MARK2: variants seen among roughly 807,000 people sequenced by gnomAD.
MARK2 encodes serine/threonine-protein kinase MARK2.
MARK2 carries 16 observed loss-of-function variants against 89.8 expected under a neutral mutation model. The observed-to-expected ratio is 0.18, with a 90% CI of 0.12 to 0.27. The LOEUF (loss-of-function observed/expected upper bound fraction) is 0.27, where lower values mean the gene tolerates loss of function less well. MARK2 is among the 10% of genes least tolerant of loss of function. MARK2 has a pLI of 1.00. For missense variants in MARK2, 621 were observed against 1,049.9 expected (o/e 0.59, Z 5.65); for synonymous variants, 382 against 399.5 (o/e 0.96, Z 0.52).
intron 1 of MARK2, among the ~76,000 whole-genome samples, chr11:63,871,708 A>T (rs1321994359): frequency 0.016 from 529 of 34,028 alleles, no homozygotes; most frequent in Middle Eastern, 0.042. Flanking sequence ...GAGTATTCAC[A>T]GTGTGCAGGT....
chr11:63,896,368 A>G (rs1940403423), intron 3 of MARK2, among the ~76,000 whole-genome samples: 1 of 152,272 alleles, frequency 6.6e-6, no homozygotes, highest in Admixed American at 6.5e-5. Context: ...ATACAAGAAT[A>G]AGAGGAAGCA....
At chr11:63,892,776 G>A (rs906132270) in intron 1 of MARK2, among the ~76,000 whole-genome samples, 1 of 147,150 alleles carries the variant, frequency 6.8e-6, no homozygotes, top group African/African-American at 2.5e-5. Flanking sequence ...ACCCAGGCTG[G>A]AGTACAATGG....
At chr11:63,843,373 G>C (rs781185995) in intron 1 of MARK2, among the ~76,000 whole-genome samples, 1 of 152,126 alleles carries the variant, frequency 6.6e-6, no homozygotes, top group African/African-American at 2.4e-5. Context: ...CCCACCTCTG[G>C]GCCTCAGAAA....
chr11:63,864,969 G>C (rs12576275), intron 1 of MARK2, among the ~76,000 whole-genome samples: 73,272 of 151,936 alleles, frequency 0.48, 19,897 homozygotes, highest in East Asian at 0.88. Context: ...ACGCAGTCTC[G>C]GCCTTGACCT....
intron 3 of MARK2, 66 bp from the exon 4 acceptor site, chr11:63,898,166 G>T: frequency 7.3e-7 from 1 of 1,376,094 alleles, no homozygotes; most frequent in South Asian, 1.2e-5. Context: ...TCCTGGCAGG[G>T]ACTGTTTGGA....
In MARK2 at chr11:63,908,281, CA is replaced by C; in HGVS notation, c.1986del (p.Asp663ThrfsTer37). ...ARRNLNEPES[K>X]DRVETLRPHV... Reference sequence around the variant, plus strand: ...TGAGGAACCTGAATGAACCTGAAAGCAAAGACCGAGTGGAGACGCTCAGGTG... The same window carrying C: ...TGAGGAACCTGAATGAACCTGAAAGCAAGACCGAGTGGAGACGCTCAGGTG... On this transcript the variant is annotated frameshift_variant, in exon 18 of 19. Transcript: ENST00000402010. LOFTEE classifies it high-confidence loss of function. 6.4e-7 allele frequency: 1 copy of C among 1,566,304 alleles called. No homozygotes were observed. The highest frequency in any genetic ancestry group is 8.7e-7 in the Non-Finnish European group (1 of 1,154,706).
At position 63,901,692 on chromosome 11, in the gene MARK2, CTGTGTGTGTGTGTGTG is replaced by C. The variant is rs56308004; in HGVS notation, c.1102-490_1102-475del. On this transcript the variant is annotated intron_variant, in intron 11 of 18. Transcript: ENST00000402010. Reference sequence around the variant, plus strand: ...GTGCTTTATGTTTGGGTGTGTGTATCTGTGTGTGTGTGTGTGTGTGTGTGTGTGTGTATGTGTCCGT... The same window carrying C: ...GTGCTTTATGTTTGGGTGTGTGTATCTGTGTGTGTGTGTGTATGTGTCCGT... 2.2e-5 allele frequency among the ~76,000 whole-genome samples: 3 copies of C among 134,712 alleles called. No individual in the cohort carries two copies. The Admixed American group carries it at 2.3e-4, about 10-fold the overall frequency. The allele number at this position is 134,712 out of a possible 152,430, so 88.4% of individuals were successfully genotyped here. A position where few individuals can be genotyped will look rare whatever the true frequency, so the allele number is the denominator to read the frequency against.
In MARK2 at chr11:63,909,268, G is replaced by A. The variant is rs1375173985; in HGVS notation, c.*31G>A. The A allele has an allele frequency of 1.9e-6, 3 of 1,543,192 alleles. No individual in the cohort carries two copies. The highest frequency in any genetic ancestry group is 1.9e-5 in the Admixed American group (1 of 52,646). On this transcript the variant is annotated 3_prime_UTR_variant, in exon 19 of 19. Coordinates refer to ENST00000402010, the MANE Select transcript of MARK2 (RefSeq NM_001039469.3). ...TGCCAGGAGCGGGGGCGGCGGGGGC[G>A]GGCCAGCTGGACGGGCTGCCGGCCG...
At chr11:63,870,796 T>G (rs1278544027) in intron 1 of MARK2, among the ~76,000 whole-genome samples, 1 of 152,154 alleles carries the variant, frequency 6.6e-6, no homozygotes, top group Non-Finnish European at 1.5e-5. Context: ...GAGCTGAGGC[T>G]CACCACAAAG....
In MARK2 at chr11:63,903,221, G is replaced by A; in HGVS notation, c.1514+63G>A. 2 of 1,262,084 alleles carry A rather than the reference G, an allele frequency of 1.6e-6. No individual in the cohort carries two copies. Among genetic ancestry groups the A allele is most frequent in the African/African-American group, 1.5e-5 (1 of 68,374 alleles). The allele number at this position is 1,262,084 out of a possible 1,614,324, so 78.2% of individuals were successfully genotyped here. A position where few individuals can be genotyped will look rare whatever the true frequency, so the allele number is the denominator to read the frequency against. ...AGCCATGTCTCACAGGGTGATGTCT[G>A]TCAGCAGCACCGTCTCCTGTCCCTG... is the stretch of plus-strand genomic sequence containing the variant. On this transcript the variant is annotated intron_variant, in intron 14 of 18. Transcript: ENST00000402010. The surrounding 1 kb of genome is among the most constrained non-coding windows in gnomAD (Gnocchi z 5.1).
chr11:63,883,007 G>T (rs1939188401), intron 1 of MARK2, among the ~76,000 whole-genome samples: 2 of 152,170 alleles, frequency 1.3e-5, no homozygotes, highest in Admixed American at 1.3e-4. Context: ...CTACTGGCAG[G>T]CTGGCTCTCC....
intron 1 of MARK2, among the ~76,000 whole-genome samples, chr11:63,842,810 T>G (rs2016087457): frequency 6.6e-6 from 1 of 152,150 alleles, no homozygotes; most frequent in Admixed American, 6.6e-5. Context: ...ACACCACTGG[T>G]TGTCTCCAGT....
chr11:63,906,071 T>C lies in MARK2; in HGVS notation c.1935-17T>C, dbSNP rs1464738135. ...ATTTCTTTTTTTATTTTGTCTTTTT[T>C]TTGTTTGTTTTTTTAGAAATCTGTC... On this transcript the variant is annotated splice_polypyrimidine_tract_variant and intron_variant, in intron 16 of 18. Transcript: ENST00000402010. The C allele has an allele frequency of 1.5e-6, 2 of 1,357,522 alleles. No individual in the cohort carries two copies. Among genetic ancestry groups the C allele is most frequent in the African/African-American group, 3.0e-5 (2 of 66,896 alleles). The allele number at this position is 1,357,522 out of a possible 1,614,324, so 84.1% of individuals were successfully genotyped here.
intron 1 of MARK2, among the ~76,000 whole-genome samples, chr11:63,890,608 C>G (rs959990896): frequency 1.1e-4 from 17 of 152,188 alleles, no homozygotes; most frequent in Non-Finnish European, 1.9e-4. Flanking sequence ...GGAGAGCGGG[C>G]ACTCAACCTG....
At chr11:63,840,513 TCA>T (rs1194768161) in intron 1 of MARK2, among the ~76,000 whole-genome samples, 7 of 152,242 alleles carry the variant, frequency 4.6e-5, no homozygotes, top group Admixed American at 1.3e-4. Context: ...CCTCGCTGCA[TCA>T]CAGTTTTTGC....
At chr11:63,877,423 A>G (rs368262040) in intron 1 of MARK2, among the ~76,000 whole-genome samples, 1 of 152,092 alleles carries the variant, frequency 6.6e-6, no homozygotes, top group African/African-American at 2.4e-5. Flanking sequence ...GACTCTTTTC[A>G]TAGGATGCTG....
intron 1 of MARK2, among the ~76,000 whole-genome samples, chr11:63,866,598 T>C (rs369913417): frequency 3.3e-5 from 5 of 152,370 alleles, no homozygotes; most frequent in Non-Finnish European, 5.9e-5. Flanking sequence ...GCTTCTATTA[T>C]CAAATTCCTC....
intron 1 of MARK2, among the ~76,000 whole-genome samples, chr11:63,870,315 C>G (rs773027838): frequency 2.6e-5 from 4 of 152,134 alleles, no homozygotes; most frequent in Non-Finnish European, 5.9e-5. Context: ...CTCAAGTGAT[C>G]CTCCCACCTG....
intron 1 of MARK2, among the ~76,000 whole-genome samples, chr11:63,870,727 G>A (rs757284225): frequency 6.6e-4 from 101 of 152,348 alleles, no homozygotes; most frequent in Non-Finnish European, 1.0e-3. Flanking sequence ...GGAAATGTCC[G>A]GAGAGACCCT....
Sources: allele counts gnomAD v4.1 joint callset (sites outside exome capture counted in the v4.1 genomes callset), GRCh38; gene constraint gnomAD v4.1.1; non-coding constraint Gnocchi (gnomAD v3.1); transcripts MANE v1.5; gene names NCBI Gene and HGNC (gene_info 2026-07-23, HGNC 2026-07-21).